Variants in SIM2 observed in about 807,000 individuals in gnomAD.
SIM2 encodes the protein single-minded homolog 2.
A neutral mutation model predicts 64.8 loss-of-function variants in SIM2; 28 were observed. The ratio of observed to expected loss-of-function variants is 0.43; its 90% CI spans 0.32 to 0.59. SIM2 has a LOEUF of 0.59. Ranked by LOEUF, SIM2 falls within the 20% of genes least tolerant of loss-of-function variation. The pLI, the probability that SIM2 is intolerant of heterozygous loss-of-function variation, is 0.07. For synonymous variants in SIM2, 408 were observed against 391.1 expected (o/e 1.04, Z -0.51); for missense variants, 847 against 871.4 (o/e 0.97, Z 0.35).
At position 36,745,087 on chromosome 21, in the gene SIM2, A is replaced by G. The variant is rs2089212957; in HGVS notation, c.1527A>G (p.Pro509=). The part of the protein sequence containing the change: ...PSSSSPAKNP[P]EPPANTARHS... ...GCTCGTCTCCAGCTAAAAATCCTCC[A>G]GAGCCACCGGCGAACACTGCTAGGC... Residue 509 remains proline, a synonymous_variant, in exon 10 of 11, where the codon CCA becomes CCG. Transcript: ENST00000290399. The surrounding 1 kb of genome is among the most constrained non-coding windows in gnomAD (Gnocchi z 4.8). 1 of 1,613,182 alleles carries G rather than the reference A, an allele frequency of 6.2e-7. No individual in the cohort carries two copies. The highest frequency in any genetic ancestry group is 8.5e-7 in the Non-Finnish European group (1 of 1,179,316).
rs1179220764 is a variant in SIM2, at chr21:36,745,893, G to A, written c.1576+757G>A. 7.7e-7 allele frequency: 1 copy of A among 1,297,794 alleles called. No homozygotes were observed. Among genetic ancestry groups the A allele is most frequent in the East Asian group, 5.6e-5 (1 of 17,820 alleles). The allele number at this position is 1,297,794 out of a possible 1,614,324, so 80.4% of individuals were successfully genotyped here. ...CAACCCCAGGCAGAAGGTGGAAGGT[G>A]GGAACAGAGGTTTAGCTGCAGGACA... On this transcript the variant is annotated intron_variant, in intron 10 of 10. Coordinates refer to ENST00000290399, the MANE Select transcript of SIM2 (RefSeq NM_005069.6). The surrounding 1 kb of genome is among the most constrained non-coding windows in gnomAD (Gnocchi z 4.8).
At chr21:36,715,145 G>T (rs1258181441) in intron 3 of SIM2, among the ~76,000 whole-genome samples, 1 of 152,140 alleles carries the variant, frequency 6.6e-6, no homozygotes, top group Non-Finnish European at 1.5e-5. Context: ...AAACACTTTA[G>T]TGCCAAGTGC....
chr21:36,719,628 G>A (rs1221690757), intron 3 of SIM2, among the ~76,000 whole-genome samples, 193 bp from the exon 4 acceptor site: 1 of 152,216 alleles, frequency 6.6e-6, no homozygotes, highest in South Asian at 2.1e-4. Flanking sequence ...TTTAGACAGT[G>A]TGGGAGACAG....
At chr21:36,739,486 G>C (rs1338036025) in intron 7 of SIM2, among the ~76,000 whole-genome samples, 17 of 152,168 alleles carry the variant, frequency 1.1e-4, no homozygotes, top group Non-Finnish European at 1.6e-4. Context: ...TGGCTGCATA[G>C]TTTGCCATAA....
Position 36,726,336 on chromosome 21 carries a change from C to A in SIM2, c.743+18C>A. ...GATTCCAGGTGAGTTCGGCACCTGC[C>A]ACAGTGGCTGTGGCCTTCTGGAAGA... On this transcript the variant is annotated intron_variant, in intron 6 of 10. Coordinates refer to ENST00000290399, the MANE Select transcript of SIM2 (RefSeq NM_005069.6). The surrounding 1 kb of genome is among the most constrained non-coding windows in gnomAD (Gnocchi z 4.5). 1 of 1,604,712 alleles carries A rather than the reference C, an allele frequency of 6.2e-7. No homozygotes were observed. Among genetic ancestry groups the A allele is most frequent in the Non-Finnish European group, 8.5e-7 (1 of 1,174,834 alleles).
chr21:36,722,120 G>T (rs2088830605), intron 4 of SIM2, among the ~76,000 whole-genome samples: 1 of 152,178 alleles, frequency 6.6e-6, no homozygotes, highest in Non-Finnish European at 1.5e-5. Flanking sequence ...CCAGAACTTG[G>T]TAATTGATGA....
chr21:36,740,237 C>T (rs1478215033), intron 7 of SIM2, among the ~76,000 whole-genome samples: 2 of 151,998 alleles, frequency 1.3e-5, no homozygotes, highest in Non-Finnish European at 2.9e-5. Context: ...AGGAGCCTGT[C>T]ACCCCAGTCC....
At chr21:36,719,962 C>G in intron 4 of SIM2, 33 bp downstream of exon 4, 1 of 1,385,984 alleles carries the variant, frequency 7.2e-7, no homozygotes, top group African/African-American at 1.4e-5. Flanking sequence ...AAAAAACAGA[C>G]TAAAAGCAAG....
intron 2 of SIM2, 134 bp downstream of exon 2, chr21:36,709,384 G>A: frequency 1.3e-6 from 1 of 764,926 alleles, no homozygotes; most frequent in Non-Finnish European, 2.2e-6. Context: ...GGGATGGGGT[G>A]GTCCCCACTG....
chr21:36,703,300 G>A (rs1374734945), intron 1 of SIM2, among the ~76,000 whole-genome samples: 3 of 152,192 alleles, frequency 2.0e-5, no homozygotes, highest in Non-Finnish European at 2.9e-5. Context: ...CATTTACAGC[G>A]AGGTTTGAGG....
Position 36,745,415 on chromosome 21 carries a change from T to A in SIM2, c.1576+279T>A. On this transcript the variant is annotated intron_variant, in intron 10 of 10. Coordinates refer to ENST00000290399, the MANE Select transcript of SIM2 (RefSeq NM_005069.6). This position sits in a 1 kb window ranked among gnomAD's most constrained non-coding sequence, Gnocchi z 4.8. The stretch of plus-strand genomic sequence containing the variant: ...GGCCTTCACGTAAATCCTGGCCACA[T>A]TCACCAACCAAAGGGGGACAGTGAT... 7.6e-7 allele frequency: 1 copy of A among 1,315,018 alleles called. No individual in the cohort carries two copies. The highest frequency in any genetic ancestry group is 9.8e-7 in the Non-Finnish European group (1 of 1,018,568). The allele number at this position is 1,315,018 out of a possible 1,614,324, so 81.5% of individuals were successfully genotyped here.
intron 10 of SIM2, chr21:36,746,472 A>G (rs2089228790): frequency 6.6e-6 from 1 of 152,236 alleles, no homozygotes; most frequent in Non-Finnish European, 1.5e-5. Context: ...TGCAAATCCT[A>G]GGAATCTCTT....
intron 1 of SIM2, among the ~76,000 whole-genome samples, chr21:36,704,674 G>T (rs1009469700): frequency 9.2e-5 from 14 of 152,230 alleles, no homozygotes; most frequent in Admixed American, 4.6e-4. Context: ...CTGCTGGGGC[G>T]GCGTCCGAAC....
Position 36,699,449 on chromosome 21 carries a change from A to C in SIM2, c.-298A>C. 9.6e-6 allele frequency: 2 copies of C among 208,982 alleles called. No individual in the cohort carries two copies. Among genetic ancestry groups the C allele is most frequent in the Non-Finnish European group, 1.9e-5 (2 of 107,602 alleles). The allele number at this position is 208,982 out of a possible 1,614,324, so 12.9% of individuals were successfully genotyped here. On this transcript the variant is annotated 5_prime_UTR_variant, in exon 1 of 11. Transcript: ENST00000290399. This position sits in a 1 kb window ranked among gnomAD's most constrained non-coding sequence, Gnocchi z 5.6. ...GGAAGGCCGAGGCAGGAGAGGCAGGAGGGAGGAAACAGGAGCGAGCAGGAA... is the reference window on the plus strand; with the variant it reads ...GGAAGGCCGAGGCAGGAGAGGCAGGCGGGAGGAAACAGGAGCGAGCAGGAA...
Position 36,744,837 on chromosome 21 carries a change from A to G in SIM2, c.1277A>G (p.Glu426Gly). The G allele has an allele frequency of 6.2e-7, 1 of 1,614,222 alleles. No individual in the cohort carries two copies. ...AAPPELQPHSESSDLLYTPSY... is the reference protein window; with the variant it reads ...AAPPELQPHSGSSDLLYTPSY... ...CCTCCAGAACTGCAGCCCCACTCAG[A>G]AAGCAGTGACCTTCTGTACACGCCA... The change falls in exon 10 of 11, where the codon GAA becomes GGA. Residue 426 changes from glutamate (E) to glycine (G), a missense_variant. Glu to Gly is a moderately conservative substitution (Grantham distance 98). Coordinates refer to ENST00000290399, the MANE Select transcript of SIM2 (RefSeq NM_005069.6).
chr21:36,731,059 C>G lies in SIM2; in HGVS notation c.758C>G (p.Thr253Arg), dbSNP rs534777844. 2 of 1,613,782 alleles carry G rather than the reference C, an allele frequency of 1.2e-6. No homozygotes were observed. Among genetic ancestry groups the G allele is most frequent in the Non-Finnish European group, 1.7e-6 (2 of 1,179,780 alleles). The change falls in exon 7 of 11, where the codon ACG becomes AGG. Residue 253 changes from threonine to arginine, a missense_variant. Thr to Arg is a moderately conservative substitution (Grantham distance 71). Coordinates refer to ENST00000290399, the MANE Select transcript of SIM2 (RefSeq NM_005069.6). ...IFLDSRVTEV[T>R]GYEPQDLIEK... ...TGCCCCCACAGGGTGACCGAGGTGA[C>G]GGGGTACGAGCCGCAGGACCTGATC...
intron 3 of SIM2, among the ~76,000 whole-genome samples, chr21:36,713,882 A>G (rs1378085049): frequency 6.6e-6 from 1 of 152,212 alleles, no homozygotes; most frequent in Non-Finnish European, 1.5e-5. Context: ...AATGATATGG[A>G]AGTTTTTCTC....
intron 9 of SIM2, among the ~76,000 whole-genome samples, chr21:36,744,420 T>G (rs12482727): frequency 6.0e-5 from 8 of 133,816 alleles, no homozygotes; most frequent in South Asian, 2.5e-4. Context: ...AAAAAAGAAA[T>G]AAAGAAAGAA....
rs1314513475 is a variant in SIM2 at position 36,699,767 on chromosome 21, T to C, written c.21T>C (p.Asn7=). Residue 7 remains asparagine (N), a synonymous_variant, in exon 1 of 11, where the codon AAT becomes AAC. Transcript: ENST00000290399. This position sits in a 1 kb window ranked among gnomAD's most constrained non-coding sequence, Gnocchi z 5.6. ...GCGCGATGAAGGAGAAGTCCAAGAA[T>C]GCGGCCAAGACCAGGAGGGAGAAGG... MKEKSK[N]AAKTRREKEN... The C allele has an allele frequency of 1.9e-6, 3 of 1,612,642 alleles. No individual in the cohort carries two copies. The highest frequency in any genetic ancestry group is 2.5e-6 in the Non-Finnish European group (3 of 1,179,348).
Sources: gnomAD v4.1 joint callset for allele counts (sites outside exome capture counted in the v4.1 genomes callset) on GRCh38, gnomAD v4.1.1 for gene constraint, Gnocchi (gnomAD v3.1) non-coding constraint, MANE v1.5 for transcripts, NCBI Gene and HGNC (gene_info 2026-07-23, HGNC 2026-07-21) for gene names.